The following PATJ variants were observed in gnomAD, a reference collection of about 807,000 sequenced individuals.
PATJ encodes inaD-like protein.
PATJ carries 190 observed loss-of-function variants against 224.9 expected under a neutral mutation model. That is an observed-to-expected ratio of 0.84 (90% CI 0.75 to 0.95). The LOEUF (loss-of-function observed/expected upper bound fraction) is 0.95. PATJ is among the 40% of genes least tolerant of loss of function. The pLI is 0.00. For missense variants in PATJ, 2,121 were observed against 2,270.3 expected (o/e 0.93, Z 1.34); for synonymous variants, 769 against 820.3 (o/e 0.94, Z 1.07).
At chr1:62,125,800 C>T (rs992303053) in intron 39 of PATJ, among the ~76,000 whole-genome samples, 2 of 152,176 alleles carry the variant, frequency 1.3e-5, no homozygotes, top group Admixed American at 6.5e-5. Flanking sequence ...GACAGAGTCT[C>T]ACTCTGTTAC....
chr1:61,797,292 T>C lies in PATJ; in HGVS notation c.1266T>C (p.Asp422=). The change falls in exon 11 of 44, where the codon GAT becomes GAC. Residue 422 remains aspartate, a synonymous_variant. Coordinates refer to ENST00000642238, the MANE Select transcript of PATJ (RefSeq NM_001350145.3). ...IQVNDKIVAV[D]GVNIQGFANH... is the part of the protein sequence containing the mutation. ...TGTTTCTCTTGATGTTTTAGGTCGA[T>C]GGCGTGAACATTCAGGGTTTTGCCA... The C allele has an allele frequency of 6.2e-7, 1 of 1,611,832 alleles. No homozygotes were observed. The highest frequency in any genetic ancestry group is 1.1e-5 in the South Asian group (1 of 90,994).
At chr1:61,966,350 G>T (rs975801557) in intron 27 of PATJ, among the ~76,000 whole-genome samples, 1 of 152,182 alleles carries the variant, frequency 6.6e-6, no homozygotes, top group African/African-American at 2.4e-5. Context: ...CCCAAGGGAG[G>T]GTTCTTGGAT....
intron 14 of PATJ, 74 bp from the exon 15 acceptor site, chr1:61,822,871 A>G: frequency 6.4e-7 from 1 of 1,554,496 alleles, no homozygotes; most frequent in South Asian, 1.2e-5. Context: ...TCACTTCAAA[A>G]TAGCACTGGA....
At chr1:62,124,056 G>A (rs1665413884) in intron 39 of PATJ, among the ~76,000 whole-genome samples, 1 of 151,886 alleles carries the variant, frequency 6.6e-6, no homozygotes, top group African/African-American at 2.4e-5. Flanking sequence ...CCTGTGTGAT[G>A]ATATCTAATG....
intron 22 of PATJ, among the ~76,000 whole-genome samples, chr1:61,893,782 A>C (rs1163020851): frequency 6.6e-6 from 1 of 151,260 alleles, no homozygotes; most frequent in Non-Finnish European, 1.5e-5. Flanking sequence ...AAACAACAAA[A>C]CAAGAGAAAA....
intron 14 of PATJ, among the ~76,000 whole-genome samples, chr1:61,812,354 TAGAGAGAG>T (rs71050165): frequency 3.6e-5 from 4 of 111,646 alleles, no homozygotes; most frequent in African/African-American, 1.4e-4. Flanking sequence ...GGGGAGGGAA[TAGAGAGAG>T]AGAGAGAGAG....
chr1:62,001,922 C>T (rs906571843), intron 28 of PATJ, among the ~76,000 whole-genome samples: 6 of 152,118 alleles, frequency 3.9e-5, no homozygotes, highest in African/African-American at 7.2e-5. Flanking sequence ...ACAGAAAGGA[C>T]GTGACAGCCC....
At chr1:61,998,084 A>AT (rs1174539909) in intron 28 of PATJ, among the ~76,000 whole-genome samples, 6 of 138,010 alleles carry the variant, frequency 4.3e-5, no homozygotes, top group Non-Finnish European at 9.1e-5. Flanking sequence ...TATAATATAT[A>AT]TTTTTTTCTT....
chr1:61,748,005 C>G (rs557280815), intron 1 of PATJ, among the ~76,000 whole-genome samples: 20 of 152,226 alleles, frequency 1.3e-4, no homozygotes, highest in African/African-American at 4.8e-4. Flanking sequence ...CTCAGTCTCC[C>G]AAGTAGCTGG....
chr1:62,148,418 T>C, intron 42 of PATJ, 28 bp downstream of exon 42: 1 of 1,491,362 alleles, frequency 6.7e-7, no homozygotes, highest in Non-Finnish European at 9.4e-7. Context: ...AGAGGGCCTA[T>C]TATGCATGTG....
In PATJ at chr1:61,827,198, T is replaced by C. The variant is rs79318903; in HGVS notation, c.1819-224T>C. On this transcript the variant is annotated intron_variant, in intron 15 of 43. Coordinates refer to ENST00000642238, the MANE Select transcript of PATJ (RefSeq NM_001350145.3). ...ATGCATTTTGTACTTTATCCATCAATACATGCAAAGATTTAGCCTTAGATT... is the reference window on the plus strand; with the variant it reads ...ATGCATTTTGTACTTTATCCATCAACACATGCAAAGATTTAGCCTTAGATT... 9.8e-3 allele frequency among the ~76,000 whole-genome samples: 1,487 copies of C among 152,264 alleles called. 26 individuals carry two copies. The highest frequency in any genetic ancestry group is 0.035 in the African/African-American group (1,434 of 41,536).
chr1:62,154,706 A>G (rs558351516), intron 43 of PATJ, among the ~76,000 whole-genome samples: 1 of 152,160 alleles, frequency 6.6e-6, no homozygotes, highest in East Asian at 1.9e-4. Context: ...AAGGAGAAAT[A>G]AGAAGGAATC....
At chr1:62,041,608 G>A (rs1465882285) in intron 30 of PATJ, among the ~76,000 whole-genome samples, 1 of 152,154 alleles carries the variant, frequency 6.6e-6, no homozygotes, top group Non-Finnish European at 1.5e-5. Context: ...TTGAGCAACT[G>A]GGTAGATAGT....
chr1:61,808,087 T>G (rs1458413145), intron 13 of PATJ, among the ~76,000 whole-genome samples: 1 of 152,208 alleles, frequency 6.6e-6, no homozygotes, highest in Non-Finnish European at 1.5e-5. Context: ...CAAATTTTGT[T>G]TTGAGGCTTG....
At chr1:61,923,953 A>C (rs1354501128) in intron 26 of PATJ, among the ~76,000 whole-genome samples, 1 of 151,852 alleles carries the variant, frequency 6.6e-6, no homozygotes, top group Non-Finnish European at 1.5e-5. Flanking sequence ...GACTAAAAAC[A>C]AACGAACAGA....
At chr1:61,949,303 T>C (rs903238575) in intron 27 of PATJ, among the ~76,000 whole-genome samples, 4 of 151,804 alleles carry the variant, frequency 2.6e-5, no homozygotes, top group Admixed American at 2.6e-4. Flanking sequence ...AAAAACAAAT[T>C]TATATAGAGA....
intron 14 of PATJ, among the ~76,000 whole-genome samples, chr1:61,815,494 A>G (rs368321805): frequency 4.6e-4 from 70 of 152,162 alleles, no homozygotes; most frequent in African/African-American, 1.7e-3. Context: ...TTATGTTTCT[A>G]TGGGTCTAGC....
intron 31 of PATJ, among the ~76,000 whole-genome samples, chr1:62,052,600 G>A (rs1653831784): frequency 6.6e-6 from 1 of 151,990 alleles, no homozygotes; most frequent in Admixed American, 6.6e-5. Context: ...AAATTAGCTG[G>A]GCGTGGTGGT....
chr1:62,160,953 T>TA lies in PATJ; in HGVS notation c.5548_5549insA (p.Leu1850TyrfsTer4). 2 of 1,614,034 alleles carry TA rather than the reference T, an allele frequency of 1.2e-6. No individual in the cohort carries two copies. Reference sequence around the variant, plus strand: ...CCGATTAAAACGAGGGGATCAGATTTTAGCTGTTAATGGCGAGACCCTGGA... The same window carrying TA: ...CCGATTAAAACGAGGGGATCAGATTTATAGCTGTTAATGGCGAGACCCTGGA... On this transcript the variant is annotated frameshift_variant, in exon 44 of 44. Coordinates refer to ENST00000642238, the MANE Select transcript of PATJ (RefSeq NM_001350145.3). LOFTEE classifies it high-confidence loss of function.
Sources: allele counts gnomAD v4.1 joint callset (sites outside exome capture counted in the v4.1 genomes callset), GRCh38; gene constraint gnomAD v4.1.1; transcripts MANE v1.5; gene names NCBI Gene and HGNC (gene_info 2026-07-23, HGNC 2026-07-21).